The following CCDC150 variants were observed in gnomAD, a reference collection of about 807,000 sequenced individuals.
CCDC150 encodes the protein coiled-coil domain-containing protein 150.
CCDC150 carries 151 observed loss-of-function variants against 156.5 expected under a neutral mutation model. The observed-to-expected ratio is 0.97, with a 90% CI of 0.85 to 1.10. The LOEUF is 1.10. CCDC150 is among the 50% of genes least tolerant of loss of function. CCDC150 has a pLI of 0.00. For synonymous variants in CCDC150, 452 were observed against 429.4 expected, an observed-to-expected ratio of 1.05 and a Z score of -0.65; for missense variants, 1,312 against 1,268.1, an observed-to-expected ratio of 1.03 and a Z score of -0.53.
chr2:196,714,633 C>T (rs540746499), intron 17 of CCDC150, among the ~76,000 whole-genome samples: 23 of 152,266 alleles, frequency 1.5e-4, no homozygotes, highest in Non-Finnish European at 2.1e-4. Flanking sequence ...AAAAATTGGC[C>T]TCACTTTTCC....
chr2:196,691,081 C>G (rs568219748), intron 13 of CCDC150, among the ~76,000 whole-genome samples: 3,741 of 150,740 alleles, frequency 0.025, 130 homozygotes, highest in African/African-American at 0.085. Context: ...ATAAGCTTTT[C>G]GATATGCTGC....
At chr2:196,666,020 T>C (rs1693820862) in intron 6 of CCDC150, among the ~76,000 whole-genome samples, 1 of 152,150 alleles carries the variant, frequency 6.6e-6, no homozygotes, top group African/African-American at 2.4e-5. Context: ...GTTATAGACA[T>C]TGATTTTGGA....
intron 7 of CCDC150, 165 bp downstream of exon 7, chr2:196,667,013 C>G (rs2376098): frequency 0.76 from 508,341 of 665,834 alleles, 194,837 homozygotes; most frequent in East Asian, 0.84. Flanking sequence ...TACTGAGATA[C>G]AGAAGGATTG....
chr2:196,665,083 A>G (rs1290906818), intron 5 of CCDC150, among the ~76,000 whole-genome samples: 3 of 152,202 alleles, frequency 2.0e-5, no homozygotes, highest in Non-Finnish European at 4.4e-5. Flanking sequence ...GTTGAAAATA[A>G]AGTCAGAAAA....
intron 11 of CCDC150, 49 bp downstream of exon 11, chr2:196,676,316 G>A (rs749894821): frequency 5.5e-5 from 88 of 1,598,098 alleles, no homozygotes; most frequent in Non-Finnish European, 2.6e-6. Context: ...TCTTGCATGT[G>A]TGTTTCTTAT....
At chr2:196,687,584 C>A (rs1695192139) in intron 13 of CCDC150, among the ~76,000 whole-genome samples, 1 of 152,140 alleles carries the variant, frequency 6.6e-6, no homozygotes, top group African/African-American at 2.4e-5. Flanking sequence ...TTTTGCTATG[C>A]AGAAGCTCTT....
intron 17 of CCDC150, 114 bp downstream of exon 17, chr2:196,712,853 A>G (rs1697229077): frequency 1.3e-6 from 1 of 789,038 alleles, no homozygotes; most frequent in Non-Finnish European, 2.1e-6. Context: ...CAAGATAACA[A>G]AAACATTTAG....
chr2:196,654,425 C>T (rs115345442), intron 2 of CCDC150, among the ~76,000 whole-genome samples: 1,832 of 151,680 alleles, frequency 0.012, 18 homozygotes, highest in Non-Finnish European at 0.016. Flanking sequence ...AAGCTATCTT[C>T]ACTCCTTTTC....
At chr2:196,731,063 A>G (rs2125722583) in intron 26 of CCDC150, 118 bp downstream of exon 26, 1 of 657,212 alleles carries the variant, frequency 1.5e-6, no homozygotes, top group African/African-American at 1.8e-5. Flanking sequence ...GCAACAGGGA[A>G]GAACGAGTAA....
chr2:196,723,851 A>G (rs892428868), intron 21 of CCDC150, among the ~76,000 whole-genome samples: 2 of 152,202 alleles, frequency 1.3e-5, no homozygotes, highest in Non-Finnish European at 2.9e-5. Flanking sequence ...GAGGAAAGGC[A>G]GGCAAAGAGG....
At chr2:196,645,987 C>G (rs1187043535) in intron 1 of CCDC150, among the ~76,000 whole-genome samples, 1 of 152,162 alleles carries the variant, frequency 6.6e-6, no homozygotes, top group African/African-American at 2.4e-5. Flanking sequence ...ATAAAGTACT[C>G]AACAATCTTA....
intron 7 of CCDC150, among the ~76,000 whole-genome samples, chr2:196,669,031 A>C (rs1325549201): frequency 6.6e-6 from 1 of 152,230 alleles, no homozygotes; most frequent in Non-Finnish European, 1.5e-5. Flanking sequence ...TTACTCTCAG[A>C]TAAGTTTACA....
chr2:196,660,923 T>C (rs1342484177), intron 5 of CCDC150, among the ~76,000 whole-genome samples: 2 of 152,202 alleles, frequency 1.3e-5, no homozygotes, highest in African/African-American at 2.4e-5. Flanking sequence ...ATTTTATAGG[T>C]TTTCATTTTA....
intron 21 of CCDC150, among the ~76,000 whole-genome samples, chr2:196,722,066 G>A (rs1218945920): frequency 2.0e-5 from 3 of 152,162 alleles, no homozygotes; most frequent in African/African-American, 4.8e-5. Flanking sequence ...ACATCAGCCT[G>A]GGTGGAATGA....
At chr2:196,710,407 C>T (rs572391855) in intron 15 of CCDC150, among the ~76,000 whole-genome samples, 6 of 152,354 alleles carry the variant, frequency 3.9e-5, no homozygotes, top group East Asian at 3.9e-4. Context: ...CCATCTGTTA[C>T]GGCTTCCCTT....
At chr2:196,732,227 T>C in intron 27 of CCDC150, 75 bp downstream of exon 27, 1 of 1,502,652 alleles carries the variant, frequency 6.7e-7, no homozygotes, top group Non-Finnish European at 9.2e-7. Flanking sequence ...CGAAGTTCTC[T>C]CATCATCTCG....
intron 13 of CCDC150, among the ~76,000 whole-genome samples, chr2:196,679,422 G>C (rs190685634): frequency 1.3e-5 from 2 of 152,252 alleles, no homozygotes; most frequent in East Asian, 3.9e-4. Flanking sequence ...ACAGTATGTA[G>C]CATTTTAAAT....
chr2:196,716,719 C>G (rs1275521825), intron 17 of CCDC150, among the ~76,000 whole-genome samples: 2 of 151,842 alleles, frequency 1.3e-5, no homozygotes, highest in Admixed American at 1.3e-4. Context: ...TATGTGAAAA[C>G]TTATCAAAAT....
At chr2:196,644,108 A>C (rs1692395200) in intron 1 of CCDC150, among the ~76,000 whole-genome samples, 1 of 152,170 alleles carries the variant, frequency 6.6e-6, no homozygotes, top group African/African-American at 2.4e-5. Flanking sequence ...TCTTTTTTTA[A>C]TCTAGAAAAA....
Sources: gnomAD v4.1 joint callset for allele counts (sites outside exome capture counted in the v4.1 genomes callset) on GRCh38, gnomAD v4.1.1 for gene constraint, MANE v1.5 for transcripts, NCBI Gene and HGNC (gene_info 2026-07-23, HGNC 2026-07-21) for gene names.